Variants in GPR141 observed in about 807,000 individuals in gnomAD.
GPR141 encodes probable G protein-coupled receptor 141.
A neutral mutation model predicts 6.8 loss-of-function variants in GPR141; 6 were observed. The observed-to-expected ratio is 0.88, with a 90% CI of 0.48 to 1.74. The LOEUF is 1.74. GPR141 is among the 40% of genes most tolerant of loss of function. The probability of loss-of-function intolerance (pLI) is 0.01; values close to 1 mark genes in which losing one functional copy is unlikely to be tolerated. For synonymous variants in GPR141, 140 were observed against 142.3 expected, an observed-to-expected ratio of 0.98 and a Z score of 0.11; for missense variants, 372 against 372.9, an observed-to-expected ratio of 1.00 and a Z score of 0.02.
chr7:37,710,857 A>G (rs1400381091), intron 2 of GPR141, among the ~76,000 whole-genome samples: 1 of 152,198 alleles, frequency 6.6e-6, no homozygotes, highest in East Asian at 1.9e-4. Flanking sequence ...TCTCCTGAGT[A>G]TCAGAGTTCT....
Position 37,740,876 on chromosome 7 carries a change from C to A in GPR141, c.483C>A (p.Tyr161Ter). The A allele has an allele frequency of 6.2e-7, 1 of 1,614,070 alleles. No individual in the cohort carries two copies. The highest frequency in any genetic ancestry group is 8.5e-7 in the Non-Finnish European group (1 of 1,179,914). Residue 161 changes from tyrosine to a stop codon, truncating the protein, a stop_gained, in exon 3 of 3, where the codon TAC (tyrosine) becomes TAA (stop). Coordinates refer to ENST00000334425, the MANE Select transcript of GPR141 (RefSeq NM_001381946.1). LOFTEE classifies it low-confidence loss of function (END_TRUNC). ...CCCGGTATGGAATCCATGAGGAATA[C>A]AATGAGGAGCACTGTTTTAAATTTC... The part of the protein sequence containing the change: ...VVSRYGIHEE[Y>*]NEEHCFKFHK...
At chr7:37,720,628 C>T (rs1811272211) in intron 2 of GPR141, among the ~76,000 whole-genome samples, 4 of 151,558 alleles carry the variant, frequency 2.6e-5, no homozygotes, top group African/African-American at 9.7e-5. Context: ...GTACTCCCAG[C>T]TACTCAGGAG....
intron 2 of GPR141, among the ~76,000 whole-genome samples, chr7:37,697,704 G>A (rs1417298162): frequency 1.3e-5 from 2 of 152,202 alleles, no homozygotes; most frequent in African/African-American, 4.8e-5. Flanking sequence ...GGCACATTAA[G>A]GCAGTGATTC....
intron 2 of GPR141, among the ~76,000 whole-genome samples, chr7:37,730,440 A>T (rs557647534): frequency 5.3e-5 from 8 of 152,332 alleles, no homozygotes; most frequent in Admixed American, 3.9e-4. Flanking sequence ...TCAAAACCTG[A>T]ACCTGAATAT....
At chr7:37,711,904 A>G (rs1397353500) in intron 2 of GPR141, among the ~76,000 whole-genome samples, 2 of 152,228 alleles carry the variant, frequency 1.3e-5, no homozygotes, top group African/African-American at 4.8e-5. Context: ...TGTTGCAGCC[A>G]GAGTGCTGGA....
chr7:37,699,411 A>G (rs1810172543), intron 2 of GPR141, among the ~76,000 whole-genome samples: 1 of 152,184 alleles, frequency 6.6e-6, no homozygotes, highest in Non-Finnish European at 1.5e-5. Context: ...AATACAAAAA[A>G]TTAGCCGGGC....
chr7:37,712,968 C>T (rs1400078752), intron 2 of GPR141, among the ~76,000 whole-genome samples: 1 of 152,168 alleles, frequency 6.6e-6, no homozygotes, highest in African/African-American at 2.4e-5. Context: ...AAACCAGGGG[C>T]TAGCCCAGCA....
intron 2 of GPR141, among the ~76,000 whole-genome samples, chr7:37,693,063 C>T (rs1042922359): frequency 1.3e-5 from 2 of 152,158 alleles, no homozygotes; most frequent in Non-Finnish European, 2.9e-5. Context: ...GTGTTTTAGT[C>T]ATGAAGCCTT....
intron 2 of GPR141, among the ~76,000 whole-genome samples, chr7:37,710,281 A>C (rs1166908289): frequency 6.6e-6 from 1 of 152,086 alleles, no homozygotes; most frequent in Non-Finnish European, 1.5e-5. Context: ...AATCTGTAGC[A>C]CAGTAGAGAG....
chr7:37,723,138 G>C (rs1222253135), intron 2 of GPR141, among the ~76,000 whole-genome samples: 1 of 151,822 alleles, frequency 6.6e-6, no homozygotes, highest in African/African-American at 2.4e-5. Context: ...GACTACAGGA[G>C]TGTGTTACCA....
In GPR141 at chr7:37,717,001, T is replaced by C. The variant is rs1811080834; in HGVS notation, c.-14-23379T>C. On this transcript the variant is annotated intron_variant, in intron 2 of 2. Coordinates refer to ENST00000334425, the MANE Select transcript of GPR141 (RefSeq NM_001381946.1). Reference sequence around the variant, plus strand: ...TAAAAGGGCTCAGCTCTATGTAAGCTTCCCAGGAAGATAGGTGAGAGGTCC... The same window carrying C: ...TAAAAGGGCTCAGCTCTATGTAAGCCTCCCAGGAAGATAGGTGAGAGGTCC... Among the ~76,000 whole-genome samples the C allele has an allele frequency of 2.0e-5, 3 of 152,230 alleles. No individual in the cohort carries two copies. In the South Asian group the frequency reaches 6.2e-4, roughly 32 times the overall value.
chr7:37,693,729 G>T (rs978783521), intron 2 of GPR141, among the ~76,000 whole-genome samples: 2 of 152,148 alleles, frequency 1.3e-5, no homozygotes, highest in East Asian at 3.9e-4. Context: ...TACTCCCTGG[G>T]AAGAGGGGTA....
At chr7:37,733,702 A>G (rs1812098346) in intron 2 of GPR141, among the ~76,000 whole-genome samples, 1 of 150,660 alleles carries the variant, frequency 6.6e-6, no homozygotes, top group South Asian at 2.1e-4. Context: ...AAAAGAAAAG[A>G]AAAAAAAAGT....
chr7:37,705,955 G>C (rs1018699274), intron 2 of GPR141, among the ~76,000 whole-genome samples: 1 of 152,150 alleles, frequency 6.6e-6, no homozygotes. Flanking sequence ...GCTGAGAGAG[G>C]AAAGACCAGA....
intron 2 of GPR141, among the ~76,000 whole-genome samples, chr7:37,710,013 GC>G (rs1224331063): frequency 1.5e-4 from 23 of 152,300 alleles, no homozygotes; most frequent in South Asian, 2.1e-4. Context: ...TGTTCATGAA[GC>G]TCTCTCTGCA....
At chr7:37,739,746 C>T (rs1812435640) in intron 2 of GPR141, among the ~76,000 whole-genome samples, 1 of 151,970 alleles carries the variant, frequency 6.6e-6, no homozygotes, top group Non-Finnish European at 1.5e-5. Context: ...GGAAGACATG[C>T]TATATTTCAG....
At position 37,697,270 on chromosome 7, in the gene GPR141, C is replaced by T. The variant is rs896989678; in HGVS notation, c.-15+11687C>T. Among the ~76,000 whole-genome samples, 11 of 151,978 alleles carry T rather than the reference C, an allele frequency of 7.2e-5. No homozygotes were observed. In the South Asian group the frequency reaches 1.2e-3, roughly 17 times the overall value. On this transcript the variant is annotated intron_variant, in intron 2 of 2. Coordinates refer to ENST00000334425, the MANE Select transcript of GPR141 (RefSeq NM_001381946.1). ...GGAACAGATCTAAAACAGGCCAATT[C>T]GGAGACATTTGCAGAAAAACAGAGT...
Position 37,702,479 on chromosome 7 carries a change from T to A in GPR141, c.-15+16896T>A, listed in dbSNP as rs559157527. ...AAGATATACACTCTATTTTTACTCT[T>A]TTATTGCTGTCAAATACAAATTTTC... On this transcript the variant is annotated intron_variant, in intron 2 of 2. Transcript: ENST00000334425. 5.9e-5 allele frequency among the ~76,000 whole-genome samples: 9 copies of A among 152,168 alleles called. No individual in the cohort carries two copies. The East Asian group carries it at 1.7e-3, about 29-fold the overall frequency.
chr7:37,701,469 T>G (rs1009627305), intron 2 of GPR141, among the ~76,000 whole-genome samples: 1 of 152,158 alleles, frequency 6.6e-6, no homozygotes, highest in African/African-American at 2.4e-5. Context: ...CTATGCAGAC[T>G]TGCCAGATTT....
Sources: allele counts gnomAD v4.1 joint callset (sites outside exome capture counted in the v4.1 genomes callset), GRCh38; gene constraint gnomAD v4.1.1; transcripts MANE v1.5; gene names NCBI Gene and HGNC (gene_info 2026-07-23, HGNC 2026-07-21).